The following DACH2 variants were observed in gnomAD, a reference collection of about 807,000 sequenced individuals.
The protein encoded by DACH2 is dachshund homolog 2.
DACH2 carries 17 observed loss-of-function variants against 35.8 expected under a neutral mutation model. The ratio of observed to expected loss-of-function variants is 0.48; its 90% CI spans 0.33 to 0.71. DACH2 has a LOEUF of 0.71. Among genes scored for constraint, DACH2 ranks in the 30% least tolerant of loss-of-function variants. The probability of loss-of-function intolerance (pLI) is 0.02; values close to 1 mark genes in which losing one functional copy is unlikely to be tolerated. For synonymous variants in DACH2, 195 were observed against 177.3 expected (o/e 1.10, Z -0.79); for missense variants, 469 against 472.7 (o/e 0.99, Z 0.07).
chrX:86,257,956 G>A (rs1207207230), intron 1 of DACH2, among the ~76,000 whole-genome samples: 3 of 110,915 alleles, frequency 2.7e-5, no homozygotes, highest in African/African-American at 9.8e-5. Context: ...ATCGGATAGG[G>A]TCTAGATAGC....
At chrX:86,613,884 C>G (rs776431654) in intron 3 of DACH2, among the ~76,000 whole-genome samples, 1 of 111,653 alleles carries the variant, frequency 9.0e-6, no homozygotes, top group South Asian at 3.7e-4. Flanking sequence ...AAATATTATT[C>G]AGCATATTTC....
At chrX:86,752,360 A>AC (rs1167363781) in intron 7 of DACH2, among the ~76,000 whole-genome samples, 1 of 111,597 alleles carries the variant, frequency 9.0e-6, no homozygotes, top group African/African-American at 3.3e-5. Flanking sequence ...ACTGATGTTG[A>AC]CCAACTTTTC....
At chrX:86,265,806 C>T (rs1332467408) in intron 1 of DACH2, among the ~76,000 whole-genome samples, 8 of 111,494 alleles carry the variant, frequency 7.2e-5, no homozygotes, top group Admixed American at 9.6e-5. Context: ...AGAATGGACA[C>T]GTGCCTGGGA....
At chrX:86,396,750 C>A (rs1327346386) in intron 2 of DACH2, among the ~76,000 whole-genome samples, 8 of 111,101 alleles carry the variant, frequency 7.2e-5, no homozygotes, top group African/African-American at 2.3e-4. Flanking sequence ...TGGTCTATAT[C>A]TCTGTTTTGG....
intron 1 of DACH2, among the ~76,000 whole-genome samples, chrX:86,362,253 TC>T (rs774292574): frequency 9.0e-6 from 1 of 111,192 alleles, no homozygotes; most frequent in East Asian, 2.8e-4. Flanking sequence ...GAACTTTTAG[TC>T]CAGGATTTTA....
intron 2 of DACH2, among the ~76,000 whole-genome samples, chrX:86,429,559 C>CTTT (rs2036951442): frequency 9.2e-6 from 1 of 108,894 alleles, no homozygotes; most frequent in African/African-American, 3.4e-5. Flanking sequence ...CTTTTCTTTT[C>CTTT]TTTTCTTTTC....
chrX:86,640,009 G>T (rs1385135411), intron 3 of DACH2, among the ~76,000 whole-genome samples: 1 of 111,380 alleles, frequency 9.0e-6, no homozygotes, highest in African/African-American at 3.3e-5. Context: ...TATCATCTTT[G>T]CTGTTTTGCA....
chrX:86,292,732 G>A (rs140145408), intron 1 of DACH2, among the ~76,000 whole-genome samples: 47,631 of 110,388 alleles, frequency 0.43, 7,877 homozygotes, highest in East Asian at 0.54. Context: ...GTAGTTGAGC[G>A]GTTTTGAGTG....
intron 1 of DACH2, among the ~76,000 whole-genome samples, chrX:86,192,029 A>T (rs1461746532): frequency 8.9e-6 from 1 of 111,871 alleles, no homozygotes; most frequent in Non-Finnish European, 1.9e-5. Context: ...GTTTCCCTGC[A>T]TCTACTGATT....
intron 1 of DACH2, among the ~76,000 whole-genome samples, chrX:86,361,275 G>A (rs1434802580): frequency 9.0e-6 from 1 of 111,475 alleles, no homozygotes; most frequent in Non-Finnish European, 1.9e-5. Context: ...AATATCATAG[G>A]TTTTAAAAAT....
chrX:86,606,814 T>G (rs2039864936), intron 3 of DACH2, among the ~76,000 whole-genome samples: 1 of 111,986 alleles, frequency 8.9e-6, no homozygotes, highest in Non-Finnish European at 1.9e-5. Flanking sequence ...CAGATACTAT[T>G]CTATTGGGGT....
chrX:86,384,744 G>A (rs1228245126), intron 2 of DACH2, among the ~76,000 whole-genome samples: 1 of 111,933 alleles, frequency 8.9e-6, no homozygotes, highest in Non-Finnish European at 1.9e-5. Context: ...AAGGTGAGAT[G>A]TAAAAAATGT....
chrX:86,600,479 T>C (rs2039775837), intron 3 of DACH2, among the ~76,000 whole-genome samples: 1 of 112,254 alleles, frequency 8.9e-6, no homozygotes, highest in Admixed American at 9.4e-5. Context: ...TATTCATGTT[T>C]AGGCAACAAT....
chrX:86,402,048 G>C (rs1356886332), intron 2 of DACH2, among the ~76,000 whole-genome samples: 8 of 111,869 alleles, frequency 7.2e-5, no homozygotes, highest in Non-Finnish European at 1.1e-4. Flanking sequence ...AAATAAAAGT[G>C]CCGTCTATGA....
At chrX:86,483,699 G>A (rs2037978000) in intron 2 of DACH2, among the ~76,000 whole-genome samples, 1 of 110,968 alleles carries the variant, frequency 9.0e-6, no homozygotes, top group Non-Finnish European at 1.9e-5. Context: ...TGGGCATGAT[G>A]GCATGTGCCT....
intron 1 of DACH2, among the ~76,000 whole-genome samples, chrX:86,347,201 A>G (rs2035511262): frequency 8.9e-6 from 1 of 112,391 alleles, no homozygotes; most frequent in African/African-American, 3.2e-5. Flanking sequence ...AGGAAAAACC[A>G]TCAATATTCA....
intron 1 of DACH2, among the ~76,000 whole-genome samples, chrX:86,251,006 C>A (rs1210670666): frequency 9.0e-6 from 1 of 111,094 alleles, no homozygotes. Flanking sequence ...ATTGAGGTTT[C>A]CAGTTTCAAA....
intron 2 of DACH2, among the ~76,000 whole-genome samples, chrX:86,389,353 G>A (rs967410625): frequency 1.8e-5 from 2 of 112,167 alleles, no homozygotes; most frequent in African/African-American, 6.5e-5. Flanking sequence ...ATCTTTCCTT[G>A]CACTTTACAA....
Position 86,283,871 on chromosome X carries a change from T to TATAC in DACH2, c.489-92952_489-92951insTACA, listed in dbSNP as rs560297079. 6.1e-4 allele frequency among the ~76,000 whole-genome samples: 62 copies of TATAC among 102,170 alleles called. No homozygotes were observed. In the Middle Eastern group the frequency reaches 0.015, roughly 25 times the overall value. 88.7% of individuals were successfully genotyped at this position (102,170 alleles called of 115,157 possible). ...CATGTATCCCAGAACTTAAAGTATA[T>TATAC]ACACACACACACACACACACACATA... is the stretch of plus-strand genomic sequence containing the variant. On this transcript the variant is annotated intron_variant, in intron 1 of 11. Coordinates refer to ENST00000373125, the MANE Select transcript of DACH2 (RefSeq NM_053281.3).
Sources: gnomAD v4.1 joint callset for allele counts (sites outside exome capture counted in the v4.1 genomes callset) on GRCh38, gnomAD v4.1.1 for gene constraint, MANE v1.5 for transcripts, NCBI Gene and HGNC (gene_info 2026-07-23, HGNC 2026-07-21) for gene names.